FRMD3: variants seen among roughly 807,000 people sequenced by gnomAD.
FRMD3 encodes FERM domain containing 3.
In FRMD3, 33 loss-of-function variants were observed where a neutral mutation model predicts 70.2. The ratio of observed to expected loss-of-function variants is 0.47; its 90% CI spans 0.36 to 0.63. The LOEUF (loss-of-function observed/expected upper bound fraction) is 0.63, where lower values mean the gene tolerates loss of function less well. Among genes scored for constraint, FRMD3 ranks in the 20% least tolerant of loss-of-function variants. The pLI is 0.00. For missense variants in FRMD3, 632 were observed against 711.4 expected (o/e 0.89, Z 1.27); for synonymous variants, 279 against 255.9 (o/e 1.09, Z -0.86).
chr9:83,453,442 A>G (rs756708535), intron 1 of FRMD3, among the ~76,000 whole-genome samples: 6 of 152,156 alleles, frequency 3.9e-5, no homozygotes, highest in Non-Finnish European at 8.8e-5. Context: ...CCACTATCAC[A>G]TATGATGGAA....
At chr9:83,258,847 T>C (rs1200319360) in intron 13 of FRMD3, among the ~76,000 whole-genome samples, 1 of 152,216 alleles carries the variant, frequency 6.6e-6, no homozygotes, top group African/African-American at 2.4e-5. Context: ...GCATGAAGCC[T>C]ATCTTCAGGC....
intron 6 of FRMD3, among the ~76,000 whole-genome samples, chr9:83,316,121 C>A (rs930439010): frequency 1.3e-5 from 2 of 150,802 alleles, no homozygotes; most frequent in Non-Finnish European, 3.0e-5. Context: ...GGAAGATTGA[C>A]ATATATGCCA....
At chr9:83,554,809 C>G in the FRMD3 span, among the ~76,000 whole-genome samples, 1 of 152,130 alleles carries the variant, frequency 6.6e-6, no homozygotes. Flanking sequence ...CCTGGAGGAC[C>G]TGCCTGGTGA....
intron 1 of FRMD3, among the ~76,000 whole-genome samples, chr9:83,405,903 G>A (rs1413955744): frequency 1.3e-5 from 2 of 152,050 alleles, no homozygotes; most frequent in African/African-American, 4.8e-5. Flanking sequence ...CTTACTTTCC[G>A]TCCTGACGAA....
chr9:83,257,431 A>T (rs559380711), intron 13 of FRMD3, among the ~76,000 whole-genome samples: 4 of 152,224 alleles, frequency 2.6e-5, no homozygotes, highest in Admixed American at 1.3e-4. Context: ...AGGTGATGGG[A>T]TGACCTGTGT....
chr9:83,414,174 G>A (rs533890931), intron 1 of FRMD3, among the ~76,000 whole-genome samples: 2 of 152,150 alleles, frequency 1.3e-5, no homozygotes, highest in Non-Finnish European at 2.9e-5. Context: ...TGGGCACAAG[G>A]TTTATTTTCC....
At chr9:83,407,903 TC>T (rs1826169483) in intron 1 of FRMD3, among the ~76,000 whole-genome samples, 1 of 141,422 alleles carries the variant, frequency 7.1e-6, no homozygotes, top group South Asian at 2.2e-4. Flanking sequence ...TCTCTCTCTC[TC>T]ATCTTTCTCT....
the FRMD3 span, among the ~76,000 whole-genome samples, chr9:83,563,416 A>G: frequency 1.3e-5 from 2 of 152,182 alleles, no homozygotes; most frequent in Non-Finnish European, 2.9e-5. Flanking sequence ...CTAGACCCCA[A>G]CAAAAAGCTG....
chr9:83,539,572 T>C (rs1226067538), upstream of FRMD3, among the ~76,000 whole-genome samples: 1 of 152,196 alleles, frequency 6.6e-6, no homozygotes, highest in Non-Finnish European at 1.5e-5. Flanking sequence ...ATATGCCCTG[T>C]CCTGGGGGTC....
intron 2 of FRMD3, among the ~76,000 whole-genome samples, chr9:83,378,866 T>C (rs13292829): frequency 0.42 from 55,740 of 133,868 alleles, 12,335 homozygotes; most frequent in Admixed American, 0.5. Flanking sequence ...TAAATATATA[T>C]ACACTATATA....
chr9:83,338,551 C>T (rs980522033), intron 5 of FRMD3, among the ~76,000 whole-genome samples: 15 of 151,932 alleles, frequency 9.9e-5, no homozygotes, highest in African/African-American at 3.6e-4. Context: ...CAGTTAAAAT[C>T]AACAAAATAA....
intron 13 of FRMD3, chr9:83,266,885 C>A (rs1833281571): frequency 1.0e-6 from 1 of 993,976 alleles, no homozygotes; most frequent in Non-Finnish European, 1.5e-6. Flanking sequence ...TCCTCTCTCT[C>A]TTTTCATCCT....
intron 12 of FRMD3, among the ~76,000 whole-genome samples, chr9:83,292,696 G>A (rs994818885): frequency 2.0e-5 from 3 of 151,968 alleles, no homozygotes; most frequent in African/African-American, 7.3e-5. Flanking sequence ...CGCCTAGGCT[G>A]GAGTGCAGTG....
At chr9:83,568,233 T>C in the FRMD3 span, among the ~76,000 whole-genome samples, 219 of 152,206 alleles carry the variant, frequency 1.4e-3, no homozygotes, top group African/African-American at 4.9e-3. Flanking sequence ...AGGGGAAAGA[T>C]TGGCACCCAG....
intron 3 of FRMD3, among the ~76,000 whole-genome samples, chr9:83,362,952 T>C (rs527374176): frequency 7.1e-6 from 1 of 141,128 alleles, no homozygotes; most frequent in Non-Finnish European, 1.6e-5. Context: ...CCTTGCTTTC[T>C]TTCTTCCTTC....
intron 1 of FRMD3, among the ~76,000 whole-genome samples, chr9:83,467,151 C>G (rs1333531960): frequency 6.6e-6 from 1 of 152,172 alleles, no homozygotes. Context: ...ATGCAGATAA[C>G]AGAAAACATT....
intron 1 of FRMD3, among the ~76,000 whole-genome samples, chr9:83,410,649 T>C (rs1230164754): frequency 6.6e-6 from 1 of 152,206 alleles, no homozygotes; most frequent in African/African-American, 2.4e-5. Context: ...ATTTATTTTC[T>C]TTTGGATACA....
chr9:83,342,736 T>TAGATAGA (rs1564025103), intron 5 of FRMD3, among the ~76,000 whole-genome samples: 38 of 88,300 alleles, frequency 4.3e-4, no homozygotes, highest in Non-Finnish European at 5.4e-4. Context: ...AGATAGATAG[T>TAGATAGA]TAGATAGACA....
chr9:83,281,808 C>T (rs1469876175), intron 13 of FRMD3, among the ~76,000 whole-genome samples: 1 of 152,168 alleles, frequency 6.6e-6, no homozygotes, highest in African/African-American at 2.4e-5. Context: ...CCAGCCTTCT[C>T]ACCACTCCTT....
Sources: gnomAD v4.1 joint callset for allele counts (sites outside exome capture counted in the v4.1 genomes callset) on GRCh38, gnomAD v4.1.1 for gene constraint, MANE v1.5 for transcripts, NCBI Gene and HGNC (gene_info 2026-07-23, HGNC 2026-07-21) for gene names.